HTT: variants seen among roughly 807,000 people sequenced by gnomAD.
The protein encoded by HTT is huntington disease protein.
In HTT, 104 loss-of-function variants were observed where a neutral mutation model predicts 362.3. That is an observed-to-expected ratio of 0.29 (90% CI 0.24 to 0.34). The LOEUF (loss-of-function observed/expected upper bound fraction) is 0.34, where lower values mean the gene tolerates loss of function less well. HTT is among the 10% of genes least tolerant of loss of function. The pLI is 1.00. For missense variants in HTT, 3,301 were observed against 3,928.6 expected, an observed-to-expected ratio of 0.84 and a Z score of 4.27; for synonymous variants, 1,577 against 1,548.7, an observed-to-expected ratio of 1.02 and a Z score of -0.43.
At chr4:3,164,159 A>G (rs1717585984) in intron 29 of HTT, among the ~76,000 whole-genome samples, 1 of 151,956 alleles carries the variant, frequency 6.6e-6, no homozygotes, top group Non-Finnish European at 1.5e-5. Flanking sequence ...GAAAATTTTT[A>G]TTTCTGCCTT....
chr4:3,206,716 C>T lies in HTT; in HGVS notation c.5898+41C>T, dbSNP rs1719871798. ...GCCGACTATTGCCAGTTGCAGTTTT[C>T]CCTGCCTTAAAAATGGAGTATTGAA... On this transcript the variant is annotated intron_variant, in intron 43 of 66. Transcript: ENST00000355072. The surrounding 1 kb of genome is among the most constrained non-coding windows in gnomAD (Gnocchi z 4.6). 1.3e-6 allele frequency: 2 copies of T among 1,595,038 alleles called. No individual in the cohort carries two copies. Among genetic ancestry groups the T allele is most frequent in the Non-Finnish European group, 1.7e-6 (2 of 1,166,488 alleles).
intron 64 of HTT, among the ~76,000 whole-genome samples, chr4:3,237,230 T>G (rs1721580208): frequency 6.6e-6 from 1 of 152,094 alleles, no homozygotes; most frequent in African/African-American, 2.4e-5. Flanking sequence ...CACACCACCA[T>G]GCCCAGCTAA....
intron 42 of HTT, among the ~76,000 whole-genome samples, chr4:3,204,929 G>A (rs571891246): frequency 2.0e-5 from 3 of 152,332 alleles, no homozygotes; most frequent in East Asian, 3.9e-4. Context: ...GCTGCAGTGA[G>A]CTGTGACTGT....
intron 40 of HTT, among the ~76,000 whole-genome samples, chr4:3,198,826 C>T (rs1022285643): frequency 3.9e-5 from 6 of 152,190 alleles, no homozygotes; most frequent in East Asian, 3.9e-4. Flanking sequence ...GGAGGCTGAC[C>T]GCTTGGCCTG....
chr4:3,177,935 T>C (rs1436171321), intron 34 of HTT, among the ~76,000 whole-genome samples: 1 of 152,142 alleles, frequency 6.6e-6, no homozygotes, highest in Non-Finnish European at 1.5e-5. Flanking sequence ...GGAAACATAG[T>C]GTTTATTCTA....
chr4:3,118,128 A>G (rs1321877950), intron 8 of HTT, among the ~76,000 whole-genome samples: 3 of 152,214 alleles, frequency 2.0e-5, no homozygotes, highest in East Asian at 1.9e-4. Context: ...GTGTAAATTA[A>G]CACCTTTTTC....
At chr4:3,096,094 CAA>C (rs1214864256) in intron 2 of HTT, among the ~76,000 whole-genome samples, 3 of 152,208 alleles carry the variant, frequency 2.0e-5, no homozygotes, top group African/African-American at 4.8e-5. Context: ...TAATATCAGA[CAA>C]AGTGGATTTC....
At position 3,238,476 on chromosome 4, in the gene HTT, G is replaced by T; in HGVS notation, c.8921G>T (p.Arg2974Ile). The T allele has an allele frequency of 6.2e-7, 1 of 1,612,604 alleles. No individual in the cohort carries two copies. The highest frequency in any genetic ancestry group is 8.5e-7 in the Non-Finnish European group (1 of 1,179,290). Residue 2974 changes from arginine to isoleucine, a missense_variant, in exon 65 of 67, where the codon AGA becomes ATA. Around this residue, in one of 4 missense-constraint regions of HTT, gnomAD observed 753 missense variants for 1,021.3 expected, o/e 0.74. Transcript: ENST00000355072. ...AGGAAAGGCTTTCCTTGTGAAGCCAGAGTGGTGGCCAGGATCCTGCCCCAG... is the reference window on the plus strand; with the variant it reads ...AGGAAAGGCTTTCCTTGTGAAGCCATAGTGGTGGCCAGGATCCTGCCCCAG... ...RIRKGFPCEA[R>I]VVARILPQFL...
chr4:3,160,287 G>A lies in HTT; in HGVS notation c.3759G>A (p.Thr1253=). The A allele has an allele frequency of 6.5e-7, 1 of 1,549,406 alleles. No homozygotes were observed. Among genetic ancestry groups the A allele is most frequent in the Non-Finnish European group, 8.7e-7 (1 of 1,144,714 alleles). ...LKATHANYKV[T]LDLQNSTEKF... ...CTCTCCTTCACCTTCCCAAGGTCAC[G>A]CTGGATCTTCAGAACAGCACGGAAA... Residue 1253 remains threonine (T), a synonymous_variant, in exon 29 of 67, where the codon ACG becomes ACA. Transcript: ENST00000355072.
At chr4:3,142,453 A>G (rs1016651812) in intron 22 of HTT, among the ~76,000 whole-genome samples, 1 of 152,178 alleles carries the variant, frequency 6.6e-6, no homozygotes, top group African/African-American at 2.4e-5. Flanking sequence ...AAGTGGAGAA[A>G]GGAATTTCTT....
chr4:3,206,736 A>C lies in HTT; in HGVS notation c.5898+61A>C. 1.9e-6 allele frequency: 3 copies of C among 1,587,428 alleles called. No individual in the cohort carries two copies. Among genetic ancestry groups the C allele is most frequent in the Non-Finnish European group, 2.6e-6 (3 of 1,163,118 alleles). On this transcript the variant is annotated intron_variant, in intron 43 of 66. Coordinates refer to ENST00000355072, the MANE Select transcript of HTT (RefSeq NM_001388492.1). The surrounding 1 kb of genome is among the most constrained non-coding windows in gnomAD (Gnocchi z 4.6). Reference sequence around the variant, plus strand: ...GTTTTCCCTGCCTTAAAAATGGAGTATTGAAATTTTTAACTTTAATTTCTG... The same window carrying C: ...GTTTTCCCTGCCTTAAAAATGGAGTCTTGAAATTTTTAACTTTAATTTCTG...
At chr4:3,098,531 G>A (rs1203031799) in intron 2 of HTT, among the ~76,000 whole-genome samples, 1 of 152,226 alleles carries the variant, frequency 6.6e-6, no homozygotes, top group Non-Finnish European at 1.5e-5. Flanking sequence ...ATGCTGTGAA[G>A]TCAGTTTCAT....
chr4:3,171,183 C>T (rs1461634267), intron 29 of HTT, among the ~76,000 whole-genome samples: 2 of 152,136 alleles, frequency 1.3e-5, no homozygotes, highest in African/African-American at 4.8e-5. Context: ...ACAAGAACAA[C>T]CTTAAACACT....
chr4:3,179,336 G>A (rs931229085), intron 35 of HTT, among the ~76,000 whole-genome samples: 21 of 152,300 alleles, frequency 1.4e-4, no homozygotes, highest in South Asian at 2.1e-4. Flanking sequence ...TGGTTTCCTG[G>A]ACTTGGAGGG....
intron 10 of HTT, among the ~76,000 whole-genome samples, chr4:3,123,621 T>C (rs1715395946): frequency 6.6e-6 from 1 of 152,154 alleles, no homozygotes; most frequent in South Asian, 2.1e-4. Flanking sequence ...GCCCAGGAGT[T>C]TGAGGTCACA....
intron 6 of HTT, among the ~76,000 whole-genome samples, chr4:3,111,244 A>G (rs985687557): frequency 2.7e-5 from 4 of 146,100 alleles, no homozygotes; most frequent in Admixed American, 1.4e-4. Context: ...CCCAGGCTAG[A>G]GTGCGGTGGT....
intron 42 of HTT, among the ~76,000 whole-genome samples, chr4:3,205,857 A>T (rs543366325): frequency 2.0e-5 from 3 of 152,364 alleles, no homozygotes; most frequent in South Asian, 4.1e-4. Flanking sequence ...ATCACATTTT[A>T]CAGTTTCTGC....
chr4:3,145,301 C>A (rs1716546852), intron 24 of HTT, 73 bp downstream of exon 24: 5 of 1,028,980 alleles, frequency 4.9e-6, no homozygotes, highest in Admixed American at 1.9e-5. Flanking sequence ...TTAGGATGCC[C>A]TTTTTCTTTC....
chr4:3,230,215 G>T (rs1721186187), intron 60 of HTT, among the ~76,000 whole-genome samples, 173 bp downstream of exon 60: 1 of 152,240 alleles, frequency 6.6e-6, no homozygotes, highest in Non-Finnish European at 1.5e-5. Context: ...AGGGGGTTCA[G>T]CGACGGTCAG....
Sources: gnomAD v4.1 joint callset for allele counts (sites outside exome capture counted in the v4.1 genomes callset) on GRCh38, gnomAD v4.1.1 for gene constraint, gnomAD v4.1.1 regional missense constraint, Gnocchi (gnomAD v3.1) non-coding constraint, MANE v1.5 for transcripts, NCBI Gene and HGNC (gene_info 2026-07-23, HGNC 2026-07-21) for gene names.